Variants in KIF27 observed in about 807,000 individuals in gnomAD.
The protein encoded by KIF27 is kinesin family member 27, also known as kinesin-like protein KIF27.
A neutral mutation model predicts 141.8 loss-of-function variants in KIF27; 84 were observed. That is an observed-to-expected ratio of 0.59 (90% CI 0.50 to 0.71). The LOEUF (loss-of-function observed/expected upper bound fraction) is 0.71. Ranked by LOEUF, KIF27 falls within the 30% of genes least tolerant of loss-of-function variation. The pLI is 0.00. For missense variants in KIF27, 1,306 were observed against 1,628.4 expected, an observed-to-expected ratio of 0.80 and a Z score of 3.41; for synonymous variants, 471 against 569.5, an observed-to-expected ratio of 0.83 and a Z score of 2.46.
intron 14 of KIF27, 97 bp from the exon 15 acceptor site, chr9:83,853,932 A>G (rs1454083976): frequency 1.2e-6 from 1 of 869,042 alleles, no homozygotes; most frequent in Non-Finnish European, 1.8e-6. Flanking sequence ...TCTAATGGAT[A>G]TTACCACTCT....
At position 83,883,884 on chromosome 9, in the gene KIF27, C is replaced by G; in HGVS notation, c.2374G>C (p.Asp792His). 6.2e-7 allele frequency: 1 copy of G among 1,613,524 alleles called. No homozygotes were observed. Among genetic ancestry groups the G allele is most frequent in the Non-Finnish European group, 8.5e-7 (1 of 1,179,580 alleles). The change falls in exon 10 of 18, where the codon GAT (aspartate) becomes CAT (histidine). Residue 792 changes from aspartate (D) to histidine (H), a missense_variant. Physicochemically the swap from Asp to His is moderately conservative, Grantham distance 81 (BLOSUM62 -1). This residue lies in a region of KIF27 where 596 missense variants were observed against 751.6 expected (regional missense o/e 0.79). Coordinates refer to ENST00000297814, the MANE Select transcript of KIF27 (RefSeq NM_017576.4). ...LQELENKDLS[D>H]VAMKVKLQKE... Reference sequence around the variant, plus strand: ...TGTAATTTTACCTTCATTGCAACATCAGAAAGATCTTTGTTTTCCAGCTCC... The same window carrying G: ...TGTAATTTTACCTTCATTGCAACATGAGAAAGATCTTTGTTTTCCAGCTCC...
intron 9 of KIF27, 62 bp downstream of exon 9, chr9:83,886,979 C>T (rs1952165827): frequency 6.8e-7 from 1 of 1,460,448 alleles, no homozygotes; most frequent in African/African-American, 1.5e-5. Flanking sequence ...ACTGTTACCA[C>T]ATCAGAAGCA....
chr9:83,910,994 G>A (rs1250185390), intron 2 of KIF27, among the ~76,000 whole-genome samples: 2 of 152,110 alleles, frequency 1.3e-5, no homozygotes, highest in African/African-American at 4.8e-5. Context: ...AGTTCTGATA[G>A]GTGACATAAC....
At chr9:83,886,214 T>C (rs1297805227) in intron 9 of KIF27, among the ~76,000 whole-genome samples, 1 of 152,140 alleles carries the variant, frequency 6.6e-6, no homozygotes, top group Non-Finnish European at 1.5e-5. Flanking sequence ...TTGAGGATAT[T>C]TACCCAATAG....
At chr9:83,885,251 C>T (rs1276631196) in intron 9 of KIF27, among the ~76,000 whole-genome samples, 1 of 152,144 alleles carries the variant, frequency 6.6e-6, no homozygotes, top group Admixed American at 6.5e-5. Flanking sequence ...CGCCACCATG[C>T]CCAGCTAATT....
chr9:83,837,861 A>G, intron 17 of KIF27: 1 of 177,652 alleles, frequency 5.6e-6, no homozygotes, highest in Non-Finnish European at 1.2e-5. Context: ...CCAGCACTGG[A>G]TAATATTGGC....
chr9:83,837,641 G>A (rs147814329), intron 17 of KIF27, 156 bp from the exon 18 acceptor site: 5 of 567,866 alleles, frequency 8.8e-6, no homozygotes, highest in African/African-American at 1.9e-5. Context: ...GAACAGATGT[G>A]TGAATATGAA....
chr9:83,836,883 C>T lies in KIF27; in HGVS notation c.*118G>A, dbSNP rs1318744147. The T allele has an allele frequency of 2.0e-6, 3 of 1,465,902 alleles. No individual in the cohort carries two copies. In the East Asian group the frequency reaches 7.1e-5, roughly 35 times the overall value. 90.8% of individuals were successfully genotyped at this position (1,465,902 alleles called of 1,614,324 possible). ...TAGCATATAAAAGAATTAGGGATTC[C>T]TTCCTCCCCTTCTTCCTTTATTCTG... On this transcript the variant is annotated 3_prime_UTR_variant, in exon 18 of 18. Coordinates refer to ENST00000297814, the MANE Select transcript of KIF27 (RefSeq NM_017576.4).
intron 8 of KIF27, among the ~76,000 whole-genome samples, chr9:83,887,587 T>G: frequency 6.6e-6 from 1 of 152,168 alleles, no homozygotes; most frequent in East Asian, 1.9e-4. Flanking sequence ...ACCAGGCTAC[T>G]CAGAGTGTGG....
chr9:83,919,161 T>A (rs2132882626), intron 1 of KIF27, among the ~76,000 whole-genome samples: 1 of 152,224 alleles, frequency 6.6e-6, no homozygotes, highest in African/African-American at 2.4e-5. Context: ...AGATCATAAG[T>A]GTTGGCAGGG....
chr9:83,899,762 G>A lies in KIF27; in HGVS notation c.1501C>T (p.Leu501=). 1 of 1,613,498 alleles carries A rather than the reference G, an allele frequency of 6.2e-7. No individual in the cohort carries two copies. Among genetic ancestry groups the A allele is most frequent in the South Asian group, 1.1e-5 (1 of 91,066 alleles). ...ADEVVFNQKE[L]EVKELKNQVQ... ...TGATTCTTCAGTTCCTTCACCTCCA[G>A]TTCCTTCTGATTAAATACTACTTCA... The change falls in exon 5 of 18, where the codon CTG becomes TTG. Residue 501 remains leucine (L), a synonymous_variant. Coordinates refer to ENST00000297814, the MANE Select transcript of KIF27 (RefSeq NM_017576.4).
chr9:83,884,057 T>C, intron 9 of KIF27, 39 bp from the exon 10 acceptor site: 2 of 1,372,712 alleles, frequency 1.5e-6, no homozygotes, highest in East Asian at 2.5e-5. Context: ...ATAAATTATG[T>C]AAAAAGAAGT....
In KIF27 at chr9:83,834,871, T is replaced by C. The variant is rs1945639316; in HGVS notation, c.*2130A>G. 6.7e-6 allele frequency among the ~76,000 whole-genome samples: 1 copy of C among 148,822 alleles called. No homozygotes were observed. Among genetic ancestry groups the C allele is most frequent in the Non-Finnish European group, 1.5e-5 (1 of 67,410 alleles). Reference sequence around the variant, plus strand: ...ATATAAAATATGATATGAAATAATATAAAGTGAAATAATGTAAAATGTATA... The same window carrying C: ...ATATAAAATATGATATGAAATAATACAAAGTGAAATAATGTAAAATGTATA... On this transcript the variant is annotated 3_prime_UTR_variant, in exon 18 of 18. Coordinates refer to ENST00000297814, the MANE Select transcript of KIF27 (RefSeq NM_017576.4).
At chr9:83,890,773 C>T (rs2780183) in intron 6 of KIF27, among the ~76,000 whole-genome samples, 1 of 152,190 alleles carries the variant, frequency 6.6e-6, no homozygotes, top group South Asian at 2.1e-4. Flanking sequence ...CTGCTAATTA[C>T]GTCTTTTCCA....
In KIF27 at chr9:83,903,608, C is replaced by T. The variant is rs1451382418; in HGVS notation, c.910G>A (p.Asp304Asn). 1 of 1,614,190 alleles carries T rather than the reference C, an allele frequency of 6.2e-7. No homozygotes were observed. The highest frequency in any genetic ancestry group is 1.7e-5 in the Admixed American group (1 of 60,030). Reference sequence around the variant, plus strand: ...GTCTTAGCACTGCCTCCCAGAGAATCTTTCAGAAGCCGGGTAATTTTAGCA... The same window carrying T: ...GTCTTAGCACTGCCTCCCAGAGAATTTTTCAGAAGCCGGGTAATTTTAGCA... ...RDAKITRLLK[D>N]SLGGSAKTVM... The change falls in exon 4 of 18, where the codon GAT (aspartate) becomes AAT (asparagine). Residue 304 changes from aspartate (D) to asparagine (N), a missense_variant. Around this residue, in one of 4 missense-constraint regions of KIF27, gnomAD observed 533 missense variants for 565.6 expected, o/e 0.94. Transcript: ENST00000297814.
chr9:83,899,138 G>A (rs1953582642), intron 5 of KIF27, among the ~76,000 whole-genome samples: 1 of 152,256 alleles, frequency 6.6e-6, no homozygotes, highest in Middle Eastern at 3.4e-3. Flanking sequence ...ACTATTTGGG[G>A]TGATGGGAGA....
At chr9:83,847,076 C>G (rs1490481867) in intron 16 of KIF27, among the ~76,000 whole-genome samples, 3 of 152,096 alleles carry the variant, frequency 2.0e-5, no homozygotes, top group African/African-American at 7.2e-5. Flanking sequence ...CCAGTCACAA[C>G]TAAAAATGGT....
intron 1 of KIF27, among the ~76,000 whole-genome samples, chr9:83,918,821 A>G (rs1955962861): frequency 2.6e-5 from 4 of 152,292 alleles, no homozygotes; most frequent in Admixed American, 2.6e-4. Flanking sequence ...CAAACCTGTA[A>G]TCCCAGCATT....
Position 83,853,706 on chromosome 9 carries a change from C to T in KIF27, c.3280G>A (p.Glu1094Lys), listed in dbSNP as rs1948865067. 1 of 1,613,720 alleles carries T rather than the reference C, an allele frequency of 6.2e-7. No individual in the cohort carries two copies. Among genetic ancestry groups the T allele is most frequent in the African/African-American group, 1.3e-5 (1 of 74,898 alleles). ...GCTAGCTTTTCCAAGACATTTGCTTCACCACGAGAGAGGTTATGGAATGAT... is the reference window on the plus strand; with the variant it reads ...GCTAGCTTTTCCAAGACATTTGCTTTACCACGAGAGAGGTTATGGAATGAT... Reference protein sequence around the residue: ...RASFHNLSRGEANVLEKLACL... With the variant: ...RASFHNLSRGKANVLEKLACL... Residue 1094 changes from glutamate (E) to lysine (K), a missense_variant, in exon 15 of 18, where the codon GAA (glutamate) becomes AAA (lysine). This residue lies in a region of KIF27 where 596 missense variants were observed against 751.6 expected (regional missense o/e 0.79). Transcript: ENST00000297814.
Sources: allele counts gnomAD v4.1 joint callset (sites outside exome capture counted in the v4.1 genomes callset), GRCh38; gene constraint gnomAD v4.1.1; regional missense constraint gnomAD v4.1.1; transcripts MANE v1.5; gene names NCBI Gene and HGNC (gene_info 2026-07-23, HGNC 2026-07-21).